The following MYLK variants were observed in gnomAD, a reference collection of about 807,000 sequenced individuals.
The protein encoded by MYLK is myosin light chain kinase, smooth muscle.
A neutral mutation model predicts 203.4 loss-of-function variants in MYLK; 106 were observed. That is an observed-to-expected ratio of 0.52 (90% confidence interval 0.45 to 0.61). MYLK has a LOEUF of 0.61. Ranked by LOEUF, MYLK falls within the 20% of genes least tolerant of loss-of-function variation. The pLI is 0.00. For missense variants in MYLK, 2,072 were observed against 2,442.3 expected (o/e 0.85, Z 3.20); for synonymous variants, 867 against 959.5 (o/e 0.90, Z 1.78).
rs1405983868 is a variant in MYLK at position 123,611,620 on chromosome 3, G to T, written c.*2485C>A. The T allele has an allele frequency of 6.6e-6, 1 of 152,002 alleles. No individual in the cohort carries two copies. Among genetic ancestry groups the T allele is most frequent in the Non-Finnish European group, 1.5e-5 (1 of 68,068 alleles). The allele number at this position is 152,002 out of a possible 1,614,324, so 9.4% of individuals were successfully genotyped here. On this transcript the variant is annotated 3_prime_UTR_variant, in exon 34 of 34. Coordinates refer to ENST00000360304, the MANE Select transcript of MYLK (RefSeq NM_053025.4). ...AGGGGGTGGTTTTGGGATTATTCAA[G>T]CACATTACATGTATTGTGCATTTTA...
chr3:123,815,161 T>C (rs1158719369), intron 3 of MYLK, among the ~76,000 whole-genome samples: 49 of 152,274 alleles, frequency 3.2e-4, no homozygotes, highest in Non-Finnish European at 7.4e-5. Flanking sequence ...AATTACTGAG[T>C]CAGAGTGCAT....
Position 123,876,624 on chromosome 3 carries a change from C to G in MYLK, c.-185-7G>C, listed in dbSNP as rs1332492697. On this transcript the variant is annotated splice_region_variant and splice_polypyrimidine_tract_variant and intron_variant, in intron 1 of 33. Coordinates refer to ENST00000360304, the MANE Select transcript of MYLK (RefSeq NM_053025.4). ...TAATTTTGAAGAATCCTTCCTAATA[C>G]ACAAATCAAAGAAATAATAGAAACA... The G allele has an allele frequency of 6.6e-6, 1 of 152,136 alleles. No individual in the cohort carries two copies. The highest frequency in any genetic ancestry group is 1.5e-5 in the Non-Finnish European group (1 of 68,022). 9.4% of individuals were successfully genotyped at this position (152,136 alleles called of 1,614,324 possible). A position where few individuals can be genotyped will look rare whatever the true frequency, so the allele number is the denominator to read the frequency against.
chr3:123,861,102 C>A (rs1193193483), intron 2 of MYLK, among the ~76,000 whole-genome samples: 6 of 151,242 alleles, frequency 4.0e-5, no homozygotes, highest in African/African-American at 1.5e-4. Flanking sequence ...TGCACTCTAG[C>A]CTGGGCGATA....
chr3:123,855,237 C>A (rs886183095), intron 2 of MYLK, among the ~76,000 whole-genome samples: 1 of 152,020 alleles, frequency 6.6e-6, no homozygotes, highest in Non-Finnish European at 1.5e-5. Flanking sequence ...AATGTTGAAG[C>A]CTGTCATTTA....
At chr3:123,801,935 T>C (rs1488236747) in intron 3 of MYLK, among the ~76,000 whole-genome samples, 1 of 152,222 alleles carries the variant, frequency 6.6e-6, no homozygotes, top group Non-Finnish European at 1.5e-5. Context: ...TTTCTTTGAC[T>C]ATATACCCAG....
intron 20 of MYLK, chr3:123,681,446 A>T (rs2060261588): frequency 6.6e-6 from 1 of 152,652 alleles, no homozygotes; most frequent in Non-Finnish European, 1.5e-5. Flanking sequence ...GGAGGATGAG[A>T]CCCAGACACA....
intron 3 of MYLK, among the ~76,000 whole-genome samples, chr3:123,826,988 T>C (rs1051617512): frequency 6.6e-6 from 1 of 152,136 alleles, no homozygotes; most frequent in African/African-American, 2.4e-5. Context: ...TAGAAATCAA[T>C]GTAGAAACAC....
chr3:123,820,635 C>CTTCCTTCCTTCT (rs2065895964), intron 3 of MYLK, among the ~76,000 whole-genome samples: 3 of 142,774 alleles, frequency 2.1e-5, no homozygotes, highest in African/African-American at 7.5e-5. Context: ...TCCTTCCTTC[C>CTTCCTTCCTTCT]TTCCTTCCCT....
At chr3:123,797,393 C>T (rs4678060) in intron 3 of MYLK, among the ~76,000 whole-genome samples, 114,685 of 152,026 alleles carry the variant, frequency 0.75, 47,450 homozygotes, top group East Asian at 0.93. Context: ...ACTTGGTATA[C>T]AGCAGCAGTT....
At chr3:123,739,449 T>G (rs2062789356) in intron 6 of MYLK, among the ~76,000 whole-genome samples, 2 of 152,188 alleles carry the variant, frequency 1.3e-5, no homozygotes. Context: ...GCTGGTGAGA[T>G]GCAGAAGGCC....
intron 1 of MYLK, among the ~76,000 whole-genome samples, chr3:123,880,261 T>G (rs1389715423): frequency 6.6e-6 from 1 of 152,146 alleles, no homozygotes; most frequent in Non-Finnish European, 1.5e-5. Context: ...GATCACATTC[T>G]GCCTGGCTGC....
At chr3:123,637,948 C>CT in intron 29 of MYLK, 123 bp downstream of exon 29, 2 of 1,456,174 alleles carry the variant, frequency 1.4e-6, no homozygotes, top group Middle Eastern at 2.4e-4. Flanking sequence ...CCTCCTGACT[C>CT]TGGGGGGGGC....
chr3:123,702,425 T>C (rs934093364), intron 16 of MYLK, among the ~76,000 whole-genome samples: 2 of 152,310 alleles, frequency 1.3e-5, no homozygotes, highest in Non-Finnish European at 2.9e-5. Flanking sequence ...TTTCTTGATA[T>C]CCACAGCATG....
intron 19 of MYLK, chr3:123,689,592 T>C (rs941487752): frequency 3.3e-5 from 5 of 152,250 alleles, no homozygotes; most frequent in African/African-American, 1.2e-4. Flanking sequence ...AGCTGACCCT[T>C]GGTGAGCCTC....
Position 123,618,685 on chromosome 3 carries a change from T to C in MYLK, c.5454A>G (p.Leu1818=), listed in dbSNP as rs753115892. ...KPYFSKTIRD[L]EVVEGSAARF... The stretch of plus-strand genomic sequence containing the variant: ...TAGCAGCACTTCCCTCCACAACTTC[T>C]AAATCGCGAATGGTCTTAGAGAAAT... The change falls in exon 33 of 34, where the codon TTA becomes TTG. Residue 1818 remains leucine (L), a synonymous_variant. Transcript: ENST00000360304. The C allele has an allele frequency of 2.2e-5, 35 of 1,614,158 alleles. No homozygotes were observed. The highest frequency in any genetic ancestry group is 1.7e-4 in the Middle Eastern group (1 of 6,060).
chr3:123,793,073 A>C (rs1369369447), intron 4 of MYLK, among the ~76,000 whole-genome samples: 3 of 152,194 alleles, frequency 2.0e-5, no homozygotes, highest in Admixed American at 2.0e-4. Flanking sequence ...GAGTCATAGT[A>C]CAACTATTCT....
chr3:123,649,328 G>A (rs2108201896), intron 24 of MYLK, 134 bp from the exon 25 acceptor site: 1 of 1,142,600 alleles, frequency 8.8e-7, no homozygotes, highest in Admixed American at 1.9e-5. Context: ...CAGAGCTCTG[G>A]GCATCCCCTG....
intron 9 of MYLK, 56 bp from the exon 10 acceptor site, chr3:123,734,278 A>G: frequency 6.9e-7 from 1 of 1,449,976 alleles, no homozygotes; most frequent in Non-Finnish European, 9.1e-7. Flanking sequence ...GAATAGAATG[A>G]TCATCTGGTT....
intron 2 of MYLK, among the ~76,000 whole-genome samples, chr3:123,837,504 T>TTACATATAATATATAATTATATAA (rs2066502298): frequency 6.8e-6 from 1 of 147,492 alleles, no homozygotes; most frequent in East Asian, 1.9e-4. Context: ...ATTATATATA[T>TTACATATAATATATAATTATATAA]TACATATAAT....
Sources: allele counts gnomAD v4.1 joint callset (sites outside exome capture counted in the v4.1 genomes callset), GRCh38; gene constraint gnomAD v4.1.1; transcripts MANE v1.5; gene names NCBI Gene and HGNC (gene_info 2026-07-23, HGNC 2026-07-21).